Variants in MYO1D observed in about 807,000 individuals in gnomAD.
The protein encoded by MYO1D is unconventional myosin-Id.
A neutral mutation model predicts 122.0 loss-of-function variants in MYO1D; 83 were observed. The ratio of observed to expected loss-of-function variants is 0.68; its 90% CI spans 0.57 to 0.82. MYO1D has a LOEUF of 0.82. Ranked by LOEUF, MYO1D falls within the 40% of genes least tolerant of loss-of-function variation. The pLI, the probability that MYO1D is intolerant of heterozygous loss-of-function variation, is 0.00. For missense variants in MYO1D, 1,157 were observed against 1,269.5 expected (o/e 0.91, Z 1.35); for synonymous variants, 464 against 446.9 (o/e 1.04, Z -0.48).
intron 20 of MYO1D, 102 bp downstream of exon 20, chr17:32,638,620 C>A: frequency 1.5e-6 from 1 of 682,952 alleles, no homozygotes; most frequent in Non-Finnish European, 2.4e-6. Context: ...TCATGGGCAT[C>A]CTAAAGCCCC....
intron 16 of MYO1D, among the ~76,000 whole-genome samples, chr17:32,664,217 C>T (rs2150956684): frequency 6.6e-6 from 1 of 152,252 alleles, no homozygotes; most frequent in South Asian, 2.1e-4. Context: ...AATAGATACG[C>T]TTCCATAAAA....
chr17:32,823,984 G>A (rs968680432), intron 1 of MYO1D, among the ~76,000 whole-genome samples: 3 of 150,180 alleles, frequency 2.0e-5, no homozygotes, highest in African/African-American at 7.4e-5. Flanking sequence ...TGAGAATGGT[G>A]TGAACCCGGG....
chr17:32,595,822 T>A (rs2087486232), intron 21 of MYO1D, among the ~76,000 whole-genome samples: 1 of 152,002 alleles, frequency 6.6e-6, no homozygotes, highest in Non-Finnish European at 1.5e-5. Flanking sequence ...GCATGTCAGG[T>A]GGAGTTGACA....
chr17:32,710,653 C>T (rs1252758805), intron 16 of MYO1D, among the ~76,000 whole-genome samples: 3 of 152,002 alleles, frequency 2.0e-5, no homozygotes, highest in Non-Finnish European at 4.4e-5. Flanking sequence ...CATTAGAATG[C>T]TTACAGAATA....
Position 32,688,947 on chromosome 17 carries a change from GTA to G in MYO1D, c.2121+23039_2121+23040del, listed in dbSNP as rs1310465398. On this transcript the variant is annotated intron_variant, in intron 16 of 21. Transcript: ENST00000318217. ...TGTGTGTGTGTGTGTGTGTGTGTGTGTATGTGTGTATGTGTCTGTGTGTGCGT... is the reference window on the plus strand; with the variant it reads ...TGTGTGTGTGTGTGTGTGTGTGTGTGTGTGTGTATGTGTCTGTGTGTGCGT... Among the ~76,000 whole-genome samples the G allele has an allele frequency of 6.7e-5, 10 of 149,356 alleles. 1 individual carries two copies. The highest frequency in any genetic ancestry group is 6.9e-3 in the Middle Eastern group (2 of 290).
chr17:32,695,129 A>T (rs2089155008), intron 16 of MYO1D, among the ~76,000 whole-genome samples: 1 of 152,052 alleles, frequency 6.6e-6, no homozygotes, highest in Non-Finnish European at 1.5e-5. Context: ...GTTTTGTGGA[A>T]GAAAGATTTT....
rs1313545873 is a variant in MYO1D, at chr17:32,698,390, TTTTC to T, written c.2121+13594_2121+13597del. ...CCCCTCCCCCTTCCCTCCTTCCTTC[TTTTC>T]TTTTTTAAGGACAAAAGTAATCAAT... On this transcript the variant is annotated intron_variant, in intron 16 of 21. Coordinates refer to ENST00000318217, the MANE Select transcript of MYO1D (RefSeq NM_015194.3). Among the ~76,000 whole-genome samples the T allele has an allele frequency of 2.2e-5, 3 of 137,338 alleles. No homozygotes were observed. In the South Asian group the frequency reaches 8.1e-4, roughly 37 times the overall value. 90.1% of individuals were successfully genotyped at this position (137,338 alleles called of 152,430 possible). A position where few individuals can be genotyped will look rare whatever the true frequency, so the allele number is the denominator to read the frequency against.
chr17:32,814,906 A>G (rs1443535664), intron 1 of MYO1D, among the ~76,000 whole-genome samples: 1 of 152,212 alleles, frequency 6.6e-6, no homozygotes, highest in Admixed American at 6.5e-5. Flanking sequence ...TCAACACATG[A>G]CTTCAAGTTA....
intron 15 of MYO1D, among the ~76,000 whole-genome samples, chr17:32,718,529 C>T (rs957231398): frequency 5.3e-5 from 8 of 151,848 alleles, no homozygotes; most frequent in Non-Finnish European, 1.0e-4. Context: ...GAAACTCTGT[C>T]TCTATTAAAA....
intron 1 of MYO1D, among the ~76,000 whole-genome samples, chr17:32,842,003 T>A (rs1324377514): frequency 6.6e-6 from 1 of 152,140 alleles, no homozygotes; most frequent in Non-Finnish European, 1.5e-5. Context: ...TCCATAAATT[T>A]GAAGATCTGA....
rs199908471 is a variant in MYO1D at position 32,659,101 on chromosome 17, C to A, written c.2345+14G>T. 979 of 1,608,980 alleles carry A rather than the reference C, an allele frequency of 6.1e-4. 4 individuals carry two copies. Among genetic ancestry groups the A allele is most frequent in the Middle Eastern group, 4.1e-3 (25 of 6,052 alleles). On this transcript the variant is annotated intron_variant, in intron 17 of 21. Transcript: ENST00000318217. Reference sequence around the variant, plus strand: ...CACCATAAATGGATGCAGCACACAGCAGCACGTTCTTACCTATTGAAAATC... The same window carrying A: ...CACCATAAATGGATGCAGCACACAGAAGCACGTTCTTACCTATTGAAAATC...
At chr17:32,838,903 C>T (rs946030476) in intron 1 of MYO1D, among the ~76,000 whole-genome samples, 2 of 152,154 alleles carry the variant, frequency 1.3e-5, no homozygotes, top group East Asian at 1.9e-4. Flanking sequence ...GTCAATTTCC[C>T]TCCTATACAC....
intron 16 of MYO1D, chr17:32,686,511 G>A (rs911124133): frequency 6.6e-6 from 1 of 152,142 alleles, no homozygotes; most frequent in Non-Finnish European, 1.5e-5. Flanking sequence ...TTTTGCAGCA[G>A]CCTTAGGACA....
At chr17:32,811,326 C>T (rs1210164958) in intron 1 of MYO1D, among the ~76,000 whole-genome samples, 1 of 152,192 alleles carries the variant, frequency 6.6e-6, no homozygotes, top group African/African-American at 2.4e-5. Context: ...GAATGGCTAT[C>T]CACTTAGCCA....
At chr17:32,569,103 T>C (rs1394490256) in intron 21 of MYO1D, among the ~76,000 whole-genome samples, 3 of 152,220 alleles carry the variant, frequency 2.0e-5, no homozygotes, top group Non-Finnish European at 2.9e-5. Flanking sequence ...AATAAATACA[T>C]TGAGGTCTGT....
At chr17:32,539,628 G>GT (rs1425574621) in intron 21 of MYO1D, among the ~76,000 whole-genome samples, 1 of 152,104 alleles carries the variant, frequency 6.6e-6, no homozygotes, top group Non-Finnish European at 1.5e-5. Flanking sequence ...TGCCTTCTCT[G>GT]TGAGTGTTAA....
At chr17:32,621,040 A>C (rs1272318087) in intron 20 of MYO1D, among the ~76,000 whole-genome samples, 1 of 152,180 alleles carries the variant, frequency 6.6e-6, no homozygotes, top group Non-Finnish European at 1.5e-5. Context: ...AATGACATTC[A>C]TTTATGTTTC....
intron 1 of MYO1D, among the ~76,000 whole-genome samples, chr17:32,873,530 G>A (rs1456929400): frequency 6.6e-6 from 1 of 152,132 alleles, no homozygotes; most frequent in East Asian, 1.9e-4. Context: ...AATATTCCAG[G>A]AGACAAAAAC....
chr17:32,625,029 G>A (rs1340512991), intron 20 of MYO1D, among the ~76,000 whole-genome samples: 1 of 152,158 alleles, frequency 6.6e-6, no homozygotes, highest in Non-Finnish European at 1.5e-5. Context: ...GGACTCAAGT[G>A]ATCTGCCTGC....
Sources: allele counts gnomAD v4.1 joint callset (sites outside exome capture counted in the v4.1 genomes callset), GRCh38; gene constraint gnomAD v4.1.1; transcripts MANE v1.5; gene names NCBI Gene and HGNC (gene_info 2026-07-23, HGNC 2026-07-21).